Variants in BMAL2 observed in about 807,000 individuals in gnomAD.
The protein encoded by BMAL2 is basic helix-loop-helix ARNT-like protein 2.
At chr12:27,341,396 T>A in the BMAL2 span, among the ~76,000 whole-genome samples, 1 of 152,256 alleles carries the variant, frequency 6.6e-6, no homozygotes, top group Non-Finnish European at 1.5e-5. Context: ...TCTGTAGTTC[T>A]GTTTATACAA....
the BMAL2 span, among the ~76,000 whole-genome samples, chr12:27,362,696 T>C: frequency 1.3e-5 from 2 of 152,206 alleles, no homozygotes; most frequent in Non-Finnish European, 2.9e-5. Flanking sequence ...AAAAATTGAT[T>C]AGTTTTACTT....
the BMAL2 span, among the ~76,000 whole-genome samples, chr12:27,379,530 G>GAGGAGGACC: frequency 6.6e-6 from 1 of 152,174 alleles, no homozygotes; most frequent in African/African-American, 2.4e-5. Flanking sequence ...AGGGAGAGTG[G>GAGGAGGACC]AGGAGGACCA....
chr12:27,333,698 C>T, the BMAL2 span, among the ~76,000 whole-genome samples: 1 of 152,264 alleles, frequency 6.6e-6, no homozygotes, highest in Non-Finnish European at 1.5e-5. Context: ...GCAGCCCGCT[C>T]CGCGACAGCC....
the BMAL2 span, among the ~76,000 whole-genome samples, chr12:27,340,269 G>C: frequency 1.3e-5 from 2 of 152,046 alleles, no homozygotes; most frequent in African/African-American, 4.8e-5. Flanking sequence ...TCTTGAGTTG[G>C]CTTTTGTATA....
chr12:27,385,428 C>A, the BMAL2 span: 1 of 1,136,738 alleles, frequency 8.8e-7, no homozygotes, highest in Non-Finnish European at 1.3e-6. Flanking sequence ...GTTCATTAAG[C>A]ATTTTGCCCT....
chr12:27,410,561 C>T, the BMAL2 span, among the ~76,000 whole-genome samples: 1 of 151,956 alleles, frequency 6.6e-6, no homozygotes, highest in Non-Finnish European at 1.5e-5. Context: ...CACATGGACA[C>T]AGGAAGGGGA....
At chr12:27,403,323 CT>C in the BMAL2 span, 3 of 725,904 alleles carry the variant, frequency 4.1e-6, no homozygotes, top group African/African-American at 1.8e-5. Context: ...TGTTTTCCAA[CT>C]TTTTTGGATG....
the BMAL2 span, among the ~76,000 whole-genome samples, chr12:27,381,399 T>G: frequency 6.6e-6 from 1 of 152,206 alleles, no homozygotes; most frequent in East Asian, 1.9e-4. Context: ...TGGTGGCTTC[T>G]GCTTCTGGGG....
chr12:27,380,357 A>G, the BMAL2 span: 4 of 1,614,168 alleles, frequency 2.5e-6, no homozygotes. Flanking sequence ...AAACTGGACA[A>G]ACTTACAGTT....
At chr12:27,368,032 G>A in the BMAL2 span, among the ~76,000 whole-genome samples, 5 of 151,722 alleles carry the variant, frequency 3.3e-5, no homozygotes, top group Non-Finnish European at 7.4e-5. Context: ...TAATAGAGAT[G>A]GGGTTTTGCT....
chr12:27,368,222 T>C, the BMAL2 span: 7 of 1,604,896 alleles, frequency 4.4e-6, no homozygotes, highest in Non-Finnish European at 6.0e-6. Flanking sequence ...TAAAAGTTAA[T>C]GTTTAAAATA....
At chr12:27,413,964 C>T in the BMAL2 span, among the ~76,000 whole-genome samples, 1 of 151,928 alleles carries the variant, frequency 6.6e-6, no homozygotes, top group Non-Finnish European at 1.5e-5. Context: ...CCCAGGAGTT[C>T]AAGGCTGTAG....
the BMAL2 span, chr12:27,387,342 T>G: frequency 9.5e-6 from 14 of 1,473,186 alleles, no homozygotes; most frequent in Non-Finnish European, 1.9e-6. Context: ...TGAGGATATT[T>G]TCCATACAAT....
the BMAL2 span, chr12:27,417,943 A>C: frequency 2.2e-6 from 1 of 451,902 alleles, no homozygotes; most frequent in Non-Finnish European, 3.8e-6. Context: ...CAATGAACCG[A>C]GATCATGCCG....
At chr12:27,371,518 G>A in the BMAL2 span, among the ~76,000 whole-genome samples, 1 of 152,120 alleles carries the variant, frequency 6.6e-6, no homozygotes, top group East Asian at 1.9e-4. Flanking sequence ...CACTTAGAGG[G>A]GGGTGAGCTA....
chr12:27,371,731 CATAT>C, the BMAL2 span, among the ~76,000 whole-genome samples: 3 of 55,394 alleles, frequency 5.4e-5, no homozygotes, highest in African/African-American at 1.3e-4. Flanking sequence ...CACACACACA[CATAT>C]ATATATAAAT....
chr12:27,377,000 CAAAAAAAAAA>C, the BMAL2 span, among the ~76,000 whole-genome samples: 1 of 91,746 alleles, frequency 1.1e-5, no homozygotes, highest in African/African-American at 4.5e-5. Flanking sequence ...AACTCCGTCT[CAAAAAAAAAA>C]AAAAAAAAAA....
the BMAL2 span, among the ~76,000 whole-genome samples, chr12:27,396,942 T>A: frequency 6.6e-6 from 1 of 152,250 alleles, no homozygotes. Context: ...TTTTGTCTTC[T>A]GCTTTAACCA....
At chr12:27,346,132 C>T in the BMAL2 span, among the ~76,000 whole-genome samples, 111 of 152,246 alleles carry the variant, frequency 7.3e-4, no homozygotes, top group Middle Eastern at 3.4e-3. Context: ...ACTGCTTGTC[C>T]GAATCCAACT....
Sources: allele counts gnomAD v4.1 joint callset (sites outside exome capture counted in the v4.1 genomes callset), GRCh38; gene constraint gnomAD v4.1.1; transcripts MANE v1.5; gene names NCBI Gene and HGNC (gene_info 2026-07-23, HGNC 2026-07-21).